CEP43: variants seen among roughly 807,000 people sequenced by gnomAD.
CEP43 encodes the protein FGFR1 oncogene partner.
In CEP43, 36 loss-of-function variants were observed where a neutral mutation model predicts 52.6. The ratio of observed to expected loss-of-function variants is 0.68; its 90% CI spans 0.52 to 0.90. The LOEUF (loss-of-function observed/expected upper bound fraction) is 0.90, where lower values mean the gene tolerates loss of function less well. Ranked by LOEUF, CEP43 falls within the 40% of genes least tolerant of loss-of-function variation. The pLI is 0.00. For synonymous variants in CEP43, 192 were observed against 172.4 expected (o/e 1.11, Z -0.89); for missense variants, 506 against 472.8 (o/e 1.07, Z -0.65).
chr6:167,030,073 A>C (rs1780434490), intron 10 of CEP43, among the ~76,000 whole-genome samples: 1 of 152,210 alleles, frequency 6.6e-6, no homozygotes, highest in Non-Finnish European at 1.5e-5. Flanking sequence ...GTGGATCTTC[A>C]ATTGCTTCAG....
intron 10 of CEP43, among the ~76,000 whole-genome samples, chr6:167,029,142 A>T (rs1780414699): frequency 6.6e-6 from 1 of 152,236 alleles, no homozygotes. Context: ...GCTGAACAAA[A>T]GCAGGTCATC....
chr6:167,016,820 G>T lies in CEP43; in HGVS notation c.579+3253G>T, dbSNP rs1006539444. Reference sequence around the variant, plus strand: ...AGTCATGGATCAGAAACTGTCGTTGGCAGGGAGAGAGGTGGGGGGCAGAGG... The same window carrying T: ...AGTCATGGATCAGAAACTGTCGTTGTCAGGGAGAGAGGTGGGGGGCAGAGG... On this transcript the variant is annotated intron_variant, in intron 7 of 12. Transcript: ENST00000366847. Among the ~76,000 whole-genome samples, 5 of 152,052 alleles carry T rather than the reference G, an allele frequency of 3.3e-5. No homozygotes were observed. In the South Asian group the frequency reaches 1.0e-3, roughly 32 times the overall value.
In CEP43 at chr6:167,048,032, C is replaced by G. The variant is rs1306722155; in HGVS notation, c.*8054C>G. ...TCACACGATGAGCATCTTTATTTAG[C>G]TCTGCTTTTAGATATCTGCATGATA... On this transcript the variant is annotated 3_prime_UTR_variant, in exon 13 of 13. Coordinates refer to ENST00000366847, the MANE Select transcript of CEP43 (RefSeq NM_007045.4). 6.6e-6 allele frequency: 1 copy of G among 152,194 alleles called. No individual in the cohort carries two copies. Among genetic ancestry groups the G allele is most frequent in the East Asian group, 1.9e-4 (1 of 5,198 alleles). 9.4% of individuals were successfully genotyped at this position (152,194 alleles called of 1,614,324 possible). A position where few individuals can be genotyped will look rare whatever the true frequency, so the allele number is the denominator to read the frequency against.
chr6:167,022,308 C>A, intron 7 of CEP43, 101 bp from the exon 8 acceptor site: 5 of 777,826 alleles, frequency 6.4e-6, no homozygotes, highest in Non-Finnish European at 8.0e-6. Context: ...AGGTTGCACA[C>A]ACACAGGTTT....
chr6:167,017,051 A>G (rs924068470), intron 7 of CEP43, among the ~76,000 whole-genome samples: 1 of 149,646 alleles, frequency 6.7e-6, no homozygotes, highest in African/African-American at 2.5e-5. Flanking sequence ...GCTGGAGTGC[A>G]GTGGCACGAT....
chr6:167,036,110 CAT>C, intron 12 of CEP43: 3 of 985,242 alleles, frequency 3.0e-6, no homozygotes, highest in Non-Finnish European at 3.6e-6. Flanking sequence ...TGTACACAAA[CAT>C]AGGAAAATCA....
intron 5 of CEP43, among the ~76,000 whole-genome samples, chr6:167,006,916 T>A (rs1208001578): frequency 6.6e-6 from 1 of 152,218 alleles, no homozygotes; most frequent in Non-Finnish European, 1.5e-5. Context: ...TGGAAAAACT[T>A]ACTTTCTTCT....
At position 167,049,157 on chromosome 6, in the gene CEP43, C is replaced by T. The variant is rs1355554463; in HGVS notation, c.*9179C>T. 1 of 152,140 alleles carries T rather than the reference C, an allele frequency of 6.6e-6. No individual in the cohort carries two copies. Among genetic ancestry groups the T allele is most frequent in the East Asian group, 1.9e-4 (1 of 5,202 alleles). The allele number at this position is 152,140 out of a possible 1,614,324, so 9.4% of individuals were successfully genotyped here. On this transcript the variant is annotated 3_prime_UTR_variant, in exon 13 of 13. Coordinates refer to ENST00000366847, the MANE Select transcript of CEP43 (RefSeq NM_007045.4). Reference sequence around the variant, plus strand: ...TATCTTAGTTTTCTGGATTTTGTGACGTTTGTGGTATTTGTCAGATTTTTA... The same window carrying T: ...TATCTTAGTTTTCTGGATTTTGTGATGTTTGTGGTATTTGTCAGATTTTTA...
intron 12 of CEP43, chr6:167,036,834 G>A: frequency 1.1e-6 from 1 of 911,778 alleles, no homozygotes; most frequent in Non-Finnish European, 1.3e-6. Context: ...TTGAGACAGA[G>A]TCTCACTCTG....
intron 9 of CEP43, among the ~76,000 whole-genome samples, chr6:167,026,298 G>A (rs1330465416): frequency 3.9e-5 from 6 of 152,264 alleles, no homozygotes; most frequent in African/African-American, 1.4e-4. Flanking sequence ...AGAAGGCAGA[G>A]GTTGCAGTGA....
At chr6:167,022,712 T>C in intron 8 of CEP43, 77 bp downstream of exon 8, 1 of 936,672 alleles carries the variant, frequency 1.1e-6, no homozygotes, top group South Asian at 1.6e-5. Context: ...AGTTAAAAAA[T>C]AATGAACTAT....
At position 167,040,111 on chromosome 6, in the gene CEP43, A is replaced by AT; in HGVS notation, c.*139dup. On this transcript the variant is annotated 3_prime_UTR_variant, in exon 13 of 13. Coordinates refer to ENST00000366847, the MANE Select transcript of CEP43 (RefSeq NM_007045.4). The stretch of plus-strand genomic sequence containing the variant: ...CTTGCATTTCAAAAACACTGCAGAT[A>AT]TTTTTTAAAAGTAATTTTCATTTTA... 1 of 1,579,104 alleles carries AT rather than the reference A, an allele frequency of 6.3e-7. No individual in the cohort carries two copies. The highest frequency in any genetic ancestry group is 8.6e-7 in the Non-Finnish European group (1 of 1,161,908).
At chr6:167,030,482 C>T (rs144428262) in intron 10 of CEP43, among the ~76,000 whole-genome samples, 62 of 152,312 alleles carry the variant, frequency 4.1e-4, no homozygotes, top group Middle Eastern at 3.4e-3. Context: ...ACAGTGGAGA[C>T]GAGCTCTTGA....
At chr6:167,039,834 AT>A in intron 12 of CEP43, 69 bp from the exon 13 acceptor site, 1 of 1,549,740 alleles carries the variant, frequency 6.5e-7, no homozygotes, top group African/African-American at 1.4e-5. Context: ...TGTGGCTTTG[AT>A]TTTTTAAAAT....
Position 167,010,683 on chromosome 6 carries a change from G to T in CEP43, c.439-130G>T, listed in dbSNP as rs1249024861. On this transcript the variant is annotated intron_variant, in intron 5 of 12. Coordinates refer to ENST00000366847, the MANE Select transcript of CEP43 (RefSeq NM_007045.4). ...ATTAGAGGAAAATCTAAAAAGGATGGTTACTTTAATAAGAAATAAAATACC... is the reference window on the plus strand; with the variant it reads ...ATTAGAGGAAAATCTAAAAAGGATGTTTACTTTAATAAGAAATAAAATACC... The T allele has an allele frequency of 6.3e-6, 3 of 475,470 alleles. 1 individual carries two copies. The East Asian group carries it at 1.1e-4, about 17-fold the overall frequency. The allele number at this position is 475,470 out of a possible 1,614,324, so 29.5% of individuals were successfully genotyped here.
rs10484531 is a variant in CEP43, at chr6:167,040,946, G to T, written c.*968G>T. 6 of 1,022,270 alleles carry T rather than the reference G, an allele frequency of 5.9e-6. No homozygotes were observed. The highest frequency in any genetic ancestry group is 3.4e-5 in the African/African-American group (2 of 58,860). 63.3% of individuals were successfully genotyped at this position (1,022,270 alleles called of 1,614,324 possible). A position where few individuals can be genotyped will look rare whatever the true frequency, so the allele number is the denominator to read the frequency against. On this transcript the variant is annotated 3_prime_UTR_variant, in exon 13 of 13. Transcript: ENST00000366847. ...AGAATTTCCACAGTCTCATTTATAC[G>T]GTTAAAGCATTATTGCTATTATGTA...
At chr6:166,999,576 T>A in intron 1 of CEP43, 62 bp downstream of exon 1, 14 of 1,215,224 alleles carry the variant, frequency 1.2e-5, no homozygotes, top group Non-Finnish European at 1.5e-5. Context: ...ACAGCGGGCG[T>A]CACAACGGTC....
chr6:167,000,273 T>C (rs1425663743), intron 2 of CEP43, among the ~76,000 whole-genome samples, 160 bp downstream of exon 2: 1 of 152,240 alleles, frequency 6.6e-6, no homozygotes, highest in Non-Finnish European at 1.5e-5. Flanking sequence ...AAATTATTCT[T>C]TTTTCGTGTA....
chr6:167,023,680 G>A (rs1477154040), intron 8 of CEP43, among the ~76,000 whole-genome samples: 3 of 152,164 alleles, frequency 2.0e-5, no homozygotes, highest in South Asian at 2.1e-4. Flanking sequence ...CAGGTCCTGC[G>A]CACCTTGAGG....
Sources: allele counts gnomAD v4.1 joint callset (sites outside exome capture counted in the v4.1 genomes callset), GRCh38; gene constraint gnomAD v4.1.1; transcripts MANE v1.5; gene names NCBI Gene and HGNC (gene_info 2026-07-23, HGNC 2026-07-21).